The following SPMIP2 variants were observed in gnomAD, a reference collection of about 807,000 sequenced individuals.
SPMIP2 encodes the protein protein SPMIP2.
chr4:159,007,830 C>A, the SPMIP2 span: 1 of 557,998 alleles, frequency 1.8e-6, no homozygotes, highest in South Asian at 1.4e-5. Flanking sequence ...GCCATCTATG[C>A]ACTGAATCCA....
At chr4:159,028,141 A>C in the SPMIP2 span, among the ~76,000 whole-genome samples, 1 of 152,196 alleles carries the variant, frequency 6.6e-6, no homozygotes, top group Non-Finnish European at 1.5e-5. Context: ...TCAGCAAGTC[A>C]CTTAACTTAC....
At chr4:159,070,073 C>T in the SPMIP2 span, among the ~76,000 whole-genome samples, 1 of 151,226 alleles carries the variant, frequency 6.6e-6, no homozygotes, top group Non-Finnish European at 1.5e-5. Context: ...ACAACAATTA[C>T]TCATGACAGA....
At chr4:159,037,424 T>C in the SPMIP2 span, among the ~76,000 whole-genome samples, 1 of 151,812 alleles carries the variant, frequency 6.6e-6, no homozygotes, top group African/African-American at 2.4e-5. Flanking sequence ...TTTATCCTTG[T>C]TACCTCCTGC....
the SPMIP2 span, among the ~76,000 whole-genome samples, chr4:158,986,093 C>T: frequency 4.6e-5 from 7 of 151,094 alleles, no homozygotes; most frequent in East Asian, 1.2e-3. Flanking sequence ...TGAAGGACCT[C>T]TTCAAGCAGA....
the SPMIP2 span, among the ~76,000 whole-genome samples, chr4:159,036,752 T>C: frequency 6.6e-6 from 1 of 152,322 alleles, no homozygotes; most frequent in African/African-American, 2.4e-5. Context: ...TACTGATCTT[T>C]GGTGTCATTT....
At chr4:159,069,320 A>G in the SPMIP2 span, among the ~76,000 whole-genome samples, 1 of 152,166 alleles carries the variant, frequency 6.6e-6, no homozygotes, top group Admixed American at 6.5e-5. Context: ...AACAAACAAG[A>G]AACAATTAAA....
At chr4:158,954,311 T>C in the SPMIP2 span, among the ~76,000 whole-genome samples, 2 of 151,468 alleles carry the variant, frequency 1.3e-5, no homozygotes, top group Non-Finnish European at 2.9e-5. Context: ...GTTTCCACTT[T>C]TTCATCTTCC....
chr4:158,921,509 T>C, the SPMIP2 span, among the ~76,000 whole-genome samples: 11 of 152,190 alleles, frequency 7.2e-5, no homozygotes, highest in East Asian at 2.1e-3. Context: ...CACTTCGCTC[T>C]TTCTCCCTCC....
chr4:158,995,534 CA>C, the SPMIP2 span, among the ~76,000 whole-genome samples: 3 of 152,090 alleles, frequency 2.0e-5, no homozygotes, highest in Admixed American at 1.3e-4. Context: ...GCCTCCCATA[CA>C]ATCTAAAGAC....
the SPMIP2 span, among the ~76,000 whole-genome samples, chr4:158,993,482 T>G: frequency 1.3e-5 from 2 of 152,138 alleles, no homozygotes; most frequent in African/African-American, 4.8e-5. Context: ...TCTGTGCAGT[T>G]TTTTTTTAAA....
chr4:158,896,141 T>G, the SPMIP2 span, among the ~76,000 whole-genome samples: 85 of 152,136 alleles, frequency 5.6e-4, no homozygotes, highest in Non-Finnish European at 1.2e-3. Flanking sequence ...AAAAGAAAAT[T>G]TAATCCCACA....
At chr4:158,994,581 T>C in the SPMIP2 span, among the ~76,000 whole-genome samples, 1 of 152,280 alleles carries the variant, frequency 6.6e-6, no homozygotes, top group Non-Finnish European at 1.5e-5. Context: ...ACCAAATAAA[T>C]AAATCAAAAG....
the SPMIP2 span, among the ~76,000 whole-genome samples, chr4:159,039,256 C>A: frequency 1.3e-5 from 2 of 152,108 alleles, no homozygotes; most frequent in East Asian, 3.9e-4. Flanking sequence ...AGGTTTTAAA[C>A]GAGCAGACAC....
chr4:158,993,155 G>A, the SPMIP2 span, among the ~76,000 whole-genome samples: 1 of 151,974 alleles, frequency 6.6e-6, no homozygotes, highest in African/African-American at 2.4e-5. Context: ...GAGTGTAGGA[G>A]TCTGAGACCA....
At chr4:158,908,813 A>G in the SPMIP2 span, among the ~76,000 whole-genome samples, 1 of 152,144 alleles carries the variant, frequency 6.6e-6, no homozygotes, top group Non-Finnish European at 1.5e-5. Flanking sequence ...CAGCCTCCCA[A>G]GTAGCTGGGG....
chr4:158,947,949 C>T, the SPMIP2 span, among the ~76,000 whole-genome samples: 1 of 152,206 alleles, frequency 6.6e-6, no homozygotes, highest in South Asian at 2.1e-4. Flanking sequence ...GTAGATAATA[C>T]ATGTAAATAA....
chr4:158,916,919 C>T, the SPMIP2 span, among the ~76,000 whole-genome samples: 1 of 150,980 alleles, frequency 6.6e-6, no homozygotes, highest in Non-Finnish European at 1.5e-5. Flanking sequence ...GCTGGGATTA[C>T]AGGCATGAGT....
chr4:158,949,638 A>G, the SPMIP2 span, among the ~76,000 whole-genome samples: 2 of 152,150 alleles, frequency 1.3e-5, no homozygotes, highest in Non-Finnish European at 2.9e-5. Flanking sequence ...CTGCTCACAT[A>G]TTGTTAGGCT....
chr4:158,913,409 A>G, the SPMIP2 span, among the ~76,000 whole-genome samples: 1 of 152,034 alleles, frequency 6.6e-6, no homozygotes, highest in African/African-American at 2.4e-5. Flanking sequence ...TTTTTTGTAA[A>G]GATGGGGTCT....
Sources: gnomAD v4.1 joint callset for allele counts (sites outside exome capture counted in the v4.1 genomes callset) on GRCh38, gnomAD v4.1.1 for gene constraint, MANE v1.5 for transcripts, NCBI Gene and HGNC (gene_info 2026-07-23, HGNC 2026-07-21) for gene names.